SLC2A13: variants seen among roughly 807,000 people sequenced by gnomAD.
The protein encoded by SLC2A13 is solute carrier family 2 member 13, also known as proton myo-inositol cotransporter.
In SLC2A13, 32 loss-of-function variants were observed where a neutral mutation model predicts 64.4. The ratio of observed to expected loss-of-function variants is 0.50; its 90% CI spans 0.37 to 0.67. The LOEUF (loss-of-function observed/expected upper bound fraction) is 0.67. Ranked by LOEUF, SLC2A13 falls within the 30% of genes least tolerant of loss-of-function variation. SLC2A13 has a pLI of 0.00. For synonymous variants in SLC2A13, 338 were observed against 327.1 expected, an observed-to-expected ratio of 1.03 and a Z score of -0.36; for missense variants, 743 against 829.2, an observed-to-expected ratio of 0.90 and a Z score of 1.28.
chr12:39,898,140 A>T (rs1944976411), intron 4 of SLC2A13, among the ~76,000 whole-genome samples: 1 of 152,186 alleles, frequency 6.6e-6, no homozygotes, highest in Non-Finnish European at 1.5e-5. Context: ...ATACATGTAC[A>T]GCTTTCCATT....
chr12:40,058,969 T>C (rs1323763572), intron 1 of SLC2A13, among the ~76,000 whole-genome samples: 1 of 152,202 alleles, frequency 6.6e-6, no homozygotes, highest in African/African-American at 2.4e-5. Context: ...AAACATCTTT[T>C]CACTCTACTT....
At chr12:40,068,816 A>C (rs1022534954) in intron 1 of SLC2A13, among the ~76,000 whole-genome samples, 20 of 151,910 alleles carry the variant, frequency 1.3e-4, no homozygotes, top group African/African-American at 4.6e-4. Context: ...AATTAACTTA[A>C]TATGAGATCT....
chr12:39,995,822 G>T (rs1023940775), intron 3 of SLC2A13, among the ~76,000 whole-genome samples: 1 of 152,126 alleles, frequency 6.6e-6, no homozygotes, highest in African/African-American at 2.4e-5. Context: ...TTTTAAAAAC[G>T]GGAGTTTCCC....
At chr12:40,005,859 G>A (rs902689655) in intron 3 of SLC2A13, among the ~76,000 whole-genome samples, 1 of 152,192 alleles carries the variant, frequency 6.6e-6, no homozygotes, top group Non-Finnish European at 1.5e-5. Flanking sequence ...GCTATTTTAA[G>A]TCCGTGGTTC....
intron 7 of SLC2A13, among the ~76,000 whole-genome samples, chr12:39,803,835 A>G (rs1941882735): frequency 6.6e-6 from 1 of 152,232 alleles, no homozygotes; most frequent in Admixed American, 6.5e-5. Context: ...ATAATGGCTG[A>G]GAATTTTTCA....
At chr12:39,807,728 T>C (rs1463931553) in intron 7 of SLC2A13, among the ~76,000 whole-genome samples, 1 of 152,148 alleles carries the variant, frequency 6.6e-6, no homozygotes, top group Non-Finnish European at 1.5e-5. Flanking sequence ...TTCTTCTAAG[T>C]GCACCCTTTC....
At chr12:39,823,697 C>T (rs2135833023) in intron 7 of SLC2A13, among the ~76,000 whole-genome samples, 1 of 152,310 alleles carries the variant, frequency 6.6e-6, no homozygotes, top group Non-Finnish European at 1.5e-5. Flanking sequence ...GATCCTCCTG[C>T]TTTCACCTCT....
At chr12:40,079,373 A>C (rs1027900306) in intron 1 of SLC2A13, among the ~76,000 whole-genome samples, 3 of 152,334 alleles carry the variant, frequency 2.0e-5, no homozygotes, top group Admixed American at 1.3e-4. Context: ...ACTCTACACA[A>C]AAGTCATTCA....
In SLC2A13 at chr12:40,048,193, C is replaced by G; in HGVS notation, c.574G>C (p.Val192Leu). The G allele has an allele frequency of 6.2e-7, 1 of 1,606,872 alleles. No individual in the cohort carries two copies. Among genetic ancestry groups the G allele is most frequent in the Non-Finnish European group, 8.5e-7 (1 of 1,178,126 alleles). The change falls in exon 2 of 10, where the codon GTG becomes CTG. Residue 192 changes from valine to leucine, a missense_variant. Coordinates refer to ENST00000280871, the MANE Select transcript of SLC2A13 (RefSeq NM_052885.4). ...GAGACCTCCGCAATGTACACTGGCA[C>G]TGTCATAGAAGCAATGCCTATAAAA... is the stretch of plus-strand genomic sequence containing the variant. Reference protein sequence around the residue: ...GLGIGIASMTVPVYIAEVSPP... With the variant: ...GLGIGIASMTLPVYIAEVSPP...
intron 4 of SLC2A13, among the ~76,000 whole-genome samples, chr12:39,876,851 G>T (rs78473486): frequency 0.017 from 2,655 of 152,220 alleles, 91 homozygotes; most frequent in African/African-American, 0.061. Context: ...ATTAACTGCT[G>T]ACTTACTCAA....
chr12:39,808,901 A>C (rs963216110), intron 7 of SLC2A13, among the ~76,000 whole-genome samples: 1 of 152,086 alleles, frequency 6.6e-6, no homozygotes, highest in Non-Finnish European at 1.5e-5. Context: ...TTCAAAGAGT[A>C]GACAATTTTA....
chr12:40,097,261 CT>C (rs1938979278), intron 1 of SLC2A13, among the ~76,000 whole-genome samples: 1 of 152,098 alleles, frequency 6.6e-6, no homozygotes, highest in Non-Finnish European at 1.5e-5. Context: ...AAATGACATA[CT>C]CCTAGAAGTA....
chr12:39,761,293 T>C (rs142831432), intron 9 of SLC2A13, among the ~76,000 whole-genome samples: 2 of 152,138 alleles, frequency 1.3e-5, no homozygotes, highest in African/African-American at 2.4e-5. Flanking sequence ...TGGCAGTTTA[T>C]GATTCTGTAA....
intron 4 of SLC2A13, among the ~76,000 whole-genome samples, chr12:39,900,507 A>G (rs1945063176): frequency 6.6e-6 from 1 of 152,126 alleles, no homozygotes; most frequent in Admixed American, 6.6e-5. Flanking sequence ...ATACAAAATC[A>G]ATGTGCAAAA....
At chr12:40,042,563 C>T (rs1200035811) in intron 2 of SLC2A13, among the ~76,000 whole-genome samples, 3 of 151,938 alleles carry the variant, frequency 2.0e-5, no homozygotes, top group African/African-American at 4.8e-5. Flanking sequence ...ATATATATCC[C>T]TCTGTATAAA....
At chr12:40,026,400 C>T (rs1260661136) in intron 3 of SLC2A13, among the ~76,000 whole-genome samples, 1 of 152,078 alleles carries the variant, frequency 6.6e-6, no homozygotes, top group Admixed American at 6.5e-5. Flanking sequence ...ATTTAGCTCC[C>T]AAAGACTTCT....
At chr12:39,788,719 G>A (rs1941275604) in intron 7 of SLC2A13, 1 of 152,046 alleles carries the variant, frequency 6.6e-6, no homozygotes, top group Non-Finnish European at 1.5e-5. Flanking sequence ...ATCCAAGCTT[G>A]CATGTTCAGG....
intron 1 of SLC2A13, among the ~76,000 whole-genome samples, chr12:40,069,066 T>C (rs1052171957): frequency 6.6e-6 from 1 of 152,072 alleles, no homozygotes; most frequent in Non-Finnish European, 1.5e-5. Context: ...GCTTAGCTAA[T>C]GGATAATTAT....
chr12:39,908,994 G>GTT (rs34616072), intron 4 of SLC2A13, among the ~76,000 whole-genome samples: 4 of 151,022 alleles, frequency 2.6e-5, no homozygotes, highest in Admixed American at 2.0e-4. Context: ...TAAAGAAAGA[G>GTT]TTTTTTTTTA....
Sources: allele counts gnomAD v4.1 joint callset (sites outside exome capture counted in the v4.1 genomes callset), GRCh38; gene constraint gnomAD v4.1.1; transcripts MANE v1.5; gene names NCBI Gene and HGNC (gene_info 2026-07-23, HGNC 2026-07-21).